GFPT2: variants seen among roughly 807,000 people sequenced by gnomAD.
The protein encoded by GFPT2 is glutamine--fructose-6-phosphate aminotransferase [isomerizing] 2.
A neutral mutation model predicts 85.6 loss-of-function variants in GFPT2; 62 were observed. The ratio of observed to expected loss-of-function variants is 0.72; its 90% CI spans 0.59 to 0.90. The LOEUF (loss-of-function observed/expected upper bound fraction) is 0.90. Ranked by LOEUF, GFPT2 falls within the 40% of genes least tolerant of loss-of-function variation. The pLI is 0.00. For synonymous variants in GFPT2, 368 were observed against 344.5 expected, an observed-to-expected ratio of 1.07 and a Z score of -0.75; for missense variants, 788 against 893.4, an observed-to-expected ratio of 0.88 and a Z score of 1.50.
Position 180,336,058 on chromosome 5 carries a change from T to C in GFPT2, c.215-105A>G. On this transcript the variant is annotated intron_variant, in intron 3 of 18. Coordinates refer to ENST00000253778, the MANE Select transcript of GFPT2 (RefSeq NM_005110.4). ...ACCCAAGTCACGTCACCCACACCGA[T>C]GGCACCTCCCCACCAGCTCCCACCC... 2.7e-6 allele frequency: 3 copies of C among 1,118,340 alleles called. 1 individual carries two copies. Among genetic ancestry groups the C allele is most frequent in the South Asian group, 3.3e-5 (2 of 60,610 alleles). The allele number at this position is 1,118,340 out of a possible 1,614,324, so 69.3% of individuals were successfully genotyped here. A position where few individuals can be genotyped will look rare whatever the true frequency, so the allele number is the denominator to read the frequency against.
At chr5:180,339,335 G>A (rs181577201) in intron 1 of GFPT2, among the ~76,000 whole-genome samples, 194 of 146,204 alleles carry the variant, frequency 1.3e-3, no homozygotes, top group African/African-American at 4.4e-3. Flanking sequence ...AGCCGAGATC[G>A]TGCCACAGCA....
At chr5:180,344,113 C>T (rs1188969747) in intron 1 of GFPT2, among the ~76,000 whole-genome samples, 1 of 152,210 alleles carries the variant, frequency 6.6e-6, no homozygotes, top group East Asian at 1.9e-4. Context: ...ACAGGCAGCC[C>T]TCAACAGAGA....
Position 180,301,498 on chromosome 5 carries a change from T to A in GFPT2, c.*66A>T. On this transcript the variant is annotated 3_prime_UTR_variant, in exon 19 of 19. Transcript: ENST00000253778. ...TGTCCACTTCTCTTCCCATGTAGCA[T>A]CCCTGCTGTTGGGACAGGTCTGGAA... The A allele has an allele frequency of 7.7e-7, 1 of 1,291,066 alleles. No individual in the cohort carries two copies. The highest frequency in any genetic ancestry group is 1.8e-4 in the Middle Eastern group (1 of 5,456). 80.0% of individuals were successfully genotyped at this position (1,291,066 alleles called of 1,614,324 possible).
chr5:180,325,182 A>G (rs1199455286), intron 7 of GFPT2, among the ~76,000 whole-genome samples: 2 of 152,086 alleles, frequency 1.3e-5, no homozygotes, highest in Non-Finnish European at 2.9e-5. Flanking sequence ...CCCACATGTG[A>G]CCAACCCACA....
chr5:180,339,582 T>A (rs1764470660), intron 1 of GFPT2, among the ~76,000 whole-genome samples: 1 of 152,170 alleles, frequency 6.6e-6, no homozygotes, highest in Non-Finnish European at 1.5e-5. Context: ...GCCTTCCAGA[T>A]TCCTCCACTC....
In GFPT2 at chr5:180,313,804, T is replaced by G; in HGVS notation, c.1431+3A>C. 6.5e-7 allele frequency: 1 copy of G among 1,548,960 alleles called. No homozygotes were observed. The highest frequency in any genetic ancestry group is 1.4e-5 in the African/African-American group (1 of 73,670). ...TGGGACGGGCGCCCGTGGCTCCTCCTACCTTGGTGCTGGCCACGCCGATCT... is the reference window on the plus strand; with the variant it reads ...TGGGACGGGCGCCCGTGGCTCCTCCGACCTTGGTGCTGGCCACGCCGATCT... On this transcript the variant is annotated splice_donor_region_variant and intron_variant, in intron 14 of 18. Coordinates refer to ENST00000253778, the MANE Select transcript of GFPT2 (RefSeq NM_005110.4).
chr5:180,301,716 T>G (rs1763676655), intron 18 of GFPT2, 108 bp from the exon 19 acceptor site: 2 of 899,534 alleles, frequency 2.2e-6, no homozygotes, highest in Admixed American at 3.6e-5. Flanking sequence ...ATGTTCACCA[T>G]GGTCACCAAC....
chr5:180,303,723 T>C (rs528422924), intron 17 of GFPT2, among the ~76,000 whole-genome samples: 1 of 152,304 alleles, frequency 6.6e-6, no homozygotes, highest in Admixed American at 6.5e-5. Context: ...GCAGCTGCTG[T>C]GTACAAAGCA....
chr5:180,314,826 C>A (rs988652605), intron 13 of GFPT2, among the ~76,000 whole-genome samples: 7 of 152,176 alleles, frequency 4.6e-5, no homozygotes, highest in African/African-American at 1.7e-4. Context: ...TTTTTTCAAT[C>A]TCATTAAAGG....
At chr5:180,304,739 G>C in intron 17 of GFPT2, 33 bp downstream of exon 17, 1 of 1,584,554 alleles carries the variant, frequency 6.3e-7, no homozygotes, top group Non-Finnish European at 8.6e-7. Context: ...AAAAGCAGGA[G>C]AGAGCTGGCC....
At chr5:180,335,985 T>G (rs1764386766) in intron 3 of GFPT2, 32 bp from the exon 4 acceptor site, 1 of 1,549,830 alleles carries the variant, frequency 6.5e-7, no homozygotes, top group African/African-American at 1.4e-5. Context: ...TTGCCGCACT[T>G]GAACAACAAG....
chr5:180,352,760 C>A, intron 1 of GFPT2: 1 of 339,616 alleles, frequency 2.9e-6, no homozygotes, highest in Admixed American at 4.3e-5. Context: ...CTCTCCTCTC[C>A]TCGGTGGGCG....
At chr5:180,314,101 G>A in intron 13 of GFPT2, 137 bp from the exon 14 acceptor site, 1 of 774,690 alleles carries the variant, frequency 1.3e-6, no homozygotes, top group Middle Eastern at 3.8e-4. Flanking sequence ...AAAGGAAAAC[G>A]CTCGCTCAAC....
chr5:180,332,103 G>A (rs539576287), intron 4 of GFPT2, among the ~76,000 whole-genome samples: 1 of 152,312 alleles, frequency 6.6e-6, no homozygotes, highest in African/African-American at 2.4e-5. Context: ...GCATCCCCAG[G>A]CTCAGCCACA....
intron 1 of GFPT2, among the ~76,000 whole-genome samples, chr5:180,345,780 C>A (rs1764595580): frequency 1.3e-5 from 2 of 152,114 alleles, no homozygotes; most frequent in Non-Finnish European, 2.9e-5. Flanking sequence ...GAGAAGGTAG[C>A]CTTTGAGCTG....
intron 18 of GFPT2, 148 bp downstream of exon 18, chr5:180,302,275 A>T: frequency 1.7e-6 from 1 of 577,186 alleles, no homozygotes; most frequent in Non-Finnish European, 2.9e-6. Context: ...CGACAGAGCG[A>T]GACTCAATCT....
Position 180,302,430 on chromosome 5 carries a change from C to A in GFPT2, c.1997G>T (p.Gly666Val), listed in dbSNP as rs765507165. The A allele has an allele frequency of 6.2e-7, 1 of 1,613,416 alleles. No homozygotes were observed. The highest frequency in any genetic ancestry group is 1.7e-5 in the Admixed American group (1 of 60,030). ...TGCAGTTTTTAGACGCACGTCATATCCTCGGAGAACAGCCAGGTGGAAGGA... is the reference window on the plus strand; with the variant it reads ...TGCAGTTTTTAGACGCACGTCATATACTCGGAGAACAGCCAGGTGGAAGGA... ...LLSFHLAVLR[G>V]YDVDFPRNLA... Residue 666 changes from glycine (G) to valine (V), a missense_variant, in exon 18 of 19, where the codon GGA (glycine) becomes GTA (valine). By Grantham distance (109) the Gly-to-Val change is moderately radical. Transcript: ENST00000253778.
Position 180,323,257 on chromosome 5 carries a change from T to G in GFPT2, c.794+931A>C, listed in dbSNP as rs1049156689. 6.6e-6 allele frequency among the ~76,000 whole-genome samples: 1 copy of G among 152,138 alleles called. No individual in the cohort carries two copies. The highest frequency in any genetic ancestry group is 1.5e-5 in the Non-Finnish European group (1 of 68,032). ...TCGGCGTGTTCTAAGGGGCACCATT[T>G]GGGAAGCGCTGCCTTGACCTCAGCG... On this transcript the variant is annotated intron_variant, in intron 9 of 18. Coordinates refer to ENST00000253778, the MANE Select transcript of GFPT2 (RefSeq NM_005110.4). This position sits in a 1 kb window ranked among gnomAD's most constrained non-coding sequence, Gnocchi z 4.0.
chr5:180,340,458 G>A (rs764029304), intron 1 of GFPT2, among the ~76,000 whole-genome samples: 2 of 150,538 alleles, frequency 1.3e-5, no homozygotes, highest in Non-Finnish European at 2.9e-5. Flanking sequence ...CGCCCGCCTC[G>A]GCTTCCCAAA....
Sources: gnomAD v4.1 joint callset for allele counts (sites outside exome capture counted in the v4.1 genomes callset) on GRCh38, gnomAD v4.1.1 for gene constraint, Gnocchi (gnomAD v3.1) non-coding constraint, MANE v1.5 for transcripts, NCBI Gene and HGNC (gene_info 2026-07-23, HGNC 2026-07-21) for gene names.